Variants in PARL observed in about 807,000 individuals in gnomAD.
The protein encoded by PARL is presenilin-associated rhomboid-like protein, mitochondrial.
Under a neutral mutation model 51.6 loss-of-function variants are expected in PARL, and 44 were observed. The observed-to-expected ratio is 0.85, with a 90% CI of 0.67 to 1.10. The LOEUF (loss-of-function observed/expected upper bound fraction) is 1.10, where lower values mean the gene tolerates loss of function less well. Among genes scored for constraint, PARL ranks in the 50% least tolerant of loss-of-function variants. PARL has a pLI of 0.00. For synonymous variants in PARL, 172 were observed against 164.0 expected, an observed-to-expected ratio of 1.05 and a Z score of -0.37; for missense variants, 441 against 469.5, an observed-to-expected ratio of 0.94 and a Z score of 0.56.
chr3:183,834,512 C>T (rs909491923), intron 7 of PARL, among the ~76,000 whole-genome samples: 22 of 152,098 alleles, frequency 1.4e-4, no homozygotes, highest in African/African-American at 5.3e-4. Context: ...CTAGTATATG[C>T]TGTATGGTTC....
intron 1 of PARL, among the ~76,000 whole-genome samples, chr3:183,878,518 C>T (rs1463496403): frequency 2.0e-5 from 3 of 152,104 alleles, no homozygotes; most frequent in Non-Finnish European, 1.5e-5. Flanking sequence ...ATTAGAACTG[C>T]CTGGTGAGCT....
chr3:183,842,963 C>T (rs890318327), intron 5 of PARL, among the ~76,000 whole-genome samples: 1 of 149,994 alleles, frequency 6.7e-6, no homozygotes, highest in African/African-American at 2.5e-5. Context: ...TCAACTTCCT[C>T]AAGTTGAGGC....
At chr3:183,876,396 A>G (rs1300733582) in intron 1 of PARL, among the ~76,000 whole-genome samples, 1 of 152,110 alleles carries the variant, frequency 6.6e-6, no homozygotes, top group African/African-American at 2.4e-5. Flanking sequence ...GCTGAGAAAA[A>G]AAGATTCCTT....
chr3:183,864,905 T>A (rs992980120), intron 3 of PARL, among the ~76,000 whole-genome samples: 1 of 94,994 alleles, frequency 1.1e-5, no homozygotes, highest in African/African-American at 6.0e-5. Context: ...CCATATTTCT[T>A]TTTTTTTTTT....
At chr3:183,856,802 T>C (rs1222202151) in intron 4 of PARL, among the ~76,000 whole-genome samples, 1 of 152,242 alleles carries the variant, frequency 6.6e-6, no homozygotes, top group Non-Finnish European at 1.5e-5. Context: ...CTCTGTACAT[T>C]GTTGGAGGAC....
rs532512921 is a variant in PARL, at chr3:183,854,856, T to C, written c.511+7897A>G. Among the ~76,000 whole-genome samples, 72 of 150,872 alleles carry C rather than the reference T, an allele frequency of 4.8e-4. No individual in the cohort carries two copies. The South Asian group carries it at 0.012, about 26-fold the overall frequency. On this transcript the variant is annotated intron_variant, in intron 4 of 9. Coordinates refer to ENST00000317096, the MANE Select transcript of PARL (RefSeq NM_018622.7). Reference sequence around the variant, plus strand: ...ACAAAAATGTGCACATGGAGGTTCATAGCACCATTATTAATAGCTGAAGAA... The same window carrying C: ...ACAAAAATGTGCACATGGAGGTTCACAGCACCATTATTAATAGCTGAAGAA...
chr3:183,882,341 ACACATATATACATATATG>A (rs1324969004), intron 1 of PARL, among the ~76,000 whole-genome samples: 5 of 146,988 alleles, frequency 3.4e-5, no homozygotes, highest in African/African-American at 1.3e-4. Flanking sequence ...ATATATACAC[ACACATATATACATATATG>A]CACATATATA....
intron 3 of PARL, 57 bp from the exon 4 acceptor site, chr3:183,862,858 G>T: frequency 1.5e-6 from 2 of 1,363,606 alleles, no homozygotes; most frequent in South Asian, 1.2e-5. Context: ...CTACAAAAAT[G>T]AAAAACCAGA....
At chr3:183,859,931 C>T (rs1003570590) in intron 4 of PARL, among the ~76,000 whole-genome samples, 6 of 152,002 alleles carry the variant, frequency 3.9e-5, no homozygotes, top group East Asian at 1.9e-4. Context: ...AATCTTTAAC[C>T]GACTAGAGCT....
chr3:183,852,483 G>A (rs1730658752), intron 4 of PARL, among the ~76,000 whole-genome samples: 1 of 152,172 alleles, frequency 6.6e-6, no homozygotes, highest in Non-Finnish European at 1.5e-5. Context: ...GCGGTTACTA[G>A]TGGCTGAGGG....
chr3:183,876,491 T>G (rs1733822549), intron 1 of PARL, among the ~76,000 whole-genome samples: 1 of 152,002 alleles, frequency 6.6e-6, no homozygotes. Context: ...ATTGTTTTCA[T>G]GCCTGCTAAC....
chr3:183,844,974 C>G (rs1158177908), intron 4 of PARL, among the ~76,000 whole-genome samples: 1 of 152,130 alleles, frequency 6.6e-6, no homozygotes, highest in African/African-American at 2.4e-5. Flanking sequence ...ATATAATTAA[C>G]TTGTTACATT....
chr3:183,851,241 G>A (rs1730512752), intron 4 of PARL, among the ~76,000 whole-genome samples: 1 of 152,088 alleles, frequency 6.6e-6, no homozygotes, highest in Admixed American at 6.5e-5. Context: ...CTTTGAATTA[G>A]GTCACGGTTT....
Position 183,862,752 on chromosome 3 carries a change from C to G in PARL, c.511+1G>C. On this transcript the variant is annotated splice_donor_variant, in intron 4 of 9. Transcript: ENST00000317096. LOFTEE classifies it high-confidence loss of function. ...GTTAAAACGTGTAAGCTAACACAAA[C>G]CTGTCACAGTCCGCTGGCCATCACT... 1 of 1,612,588 alleles carries G rather than the reference C, an allele frequency of 6.2e-7. No homozygotes were observed. The highest frequency in any genetic ancestry group is 8.5e-7 in the Non-Finnish European group (1 of 1,178,604).
downstream of PARL, among the ~76,000 whole-genome samples, chr3:183,827,364 C>A (rs996877815): frequency 6.6e-6 from 1 of 151,968 alleles, no homozygotes; most frequent in Non-Finnish European, 1.5e-5. Flanking sequence ...GAGGCTTGAG[C>A]CCAGGACTTC....
Position 183,848,227 on chromosome 3 carries a change from C to T in PARL, c.512-3901G>A, listed in dbSNP as rs549024791. ...AATCTCAAAACACCTAGCTTTGCAG[C>T]GTTTTTTGTTTGTTTATTCATTTTT... On this transcript the variant is annotated intron_variant, in intron 4 of 9. Transcript: ENST00000317096. Among the ~76,000 whole-genome samples, 7 of 152,308 alleles carry T rather than the reference C, an allele frequency of 4.6e-5. No individual in the cohort carries two copies. In the South Asian group the frequency reaches 8.3e-4, roughly 18 times the overall value.
chr3:183,855,027 T>G (rs955111803), intron 4 of PARL, among the ~76,000 whole-genome samples: 2 of 152,130 alleles, frequency 1.3e-5, no homozygotes, highest in African/African-American at 4.8e-5. Context: ...AACATTATGC[T>G]AAGTGAAAGA....
At chr3:183,839,764 G>A (rs1729073050) in intron 7 of PARL, among the ~76,000 whole-genome samples, 1 of 151,272 alleles carries the variant, frequency 6.6e-6, no homozygotes, top group Admixed American at 6.6e-5. Context: ...ATAGGGTCTT[G>A]CTATGTCACC....
intron 1 of PARL, among the ~76,000 whole-genome samples, chr3:183,874,640 T>C (rs1381251164): frequency 6.6e-6 from 1 of 152,040 alleles, no homozygotes; most frequent in Non-Finnish European, 1.5e-5. Context: ...AACTCAAACC[T>C]CACGTGATCC....
Sources: gnomAD v4.1 joint callset for allele counts (sites outside exome capture counted in the v4.1 genomes callset) on GRCh38, gnomAD v4.1.1 for gene constraint, MANE v1.5 for transcripts, NCBI Gene and HGNC (gene_info 2026-07-23, HGNC 2026-07-21) for gene names.